CTCF: variants seen among roughly 807,000 people sequenced by gnomAD.
CTCF encodes transcriptional repressor CTCF.
Under a neutral mutation model 72.3 loss-of-function variants are expected in CTCF, and 7 were observed. The ratio of observed to expected loss-of-function variants is 0.10; its 90% CI spans 0.06 to 0.18. The LOEUF (loss-of-function observed/expected upper bound fraction) is 0.18, where lower values mean the gene tolerates loss of function less well. Among genes scored for constraint, CTCF ranks in the 10% least tolerant of loss-of-function variants. CTCF has a pLI of 1.00. For missense variants in CTCF, 516 were observed against 949.1 expected (o/e 0.54, Z 6.00); for synonymous variants, 374 against 315.8 (o/e 1.18, Z -1.95).
chr16:67,617,026 A>C, intron 5 of CTCF, 148 bp downstream of exon 5: 2 of 802,114 alleles, frequency 2.5e-6, no homozygotes, highest in Non-Finnish European at 4.0e-6. Context: ...CCGCTCCCCC[A>C]AAAAACTTAT....
intron 2 of CTCF, among the ~76,000 whole-genome samples, chr16:67,595,687 G>T (rs558852022): frequency 6.6e-6 from 1 of 152,210 alleles, no homozygotes; most frequent in East Asian, 1.9e-4. Context: ...CAGCGAGAAG[G>T]TAGCATATCT....
intron 1 of CTCF, among the ~76,000 whole-genome samples, chr16:67,567,434 C>T (rs1173989709): frequency 2.0e-5 from 3 of 152,104 alleles, no homozygotes; most frequent in African/African-American, 7.2e-5. Context: ...ATATGCTAAT[C>T]ACCTATTTGT....
intron 8 of CTCF, 81 bp downstream of exon 8, chr16:67,626,796 G>A: frequency 9.6e-7 from 1 of 1,043,020 alleles, no homozygotes; most frequent in Non-Finnish European, 1.3e-6. Flanking sequence ...TAGTACAGTG[G>A]CTGTTTTTAA....
intron 2 of CTCF, among the ~76,000 whole-genome samples, chr16:67,586,617 C>T (rs1261512690): frequency 6.6e-6 from 1 of 151,938 alleles, no homozygotes; most frequent in African/African-American, 2.4e-5. Context: ...TTGCTTGAAC[C>T]CCCTGGGAGG....
chr16:67,578,824 T>C (rs1028954318), intron 2 of CTCF, among the ~76,000 whole-genome samples: 5 of 151,318 alleles, frequency 3.3e-5, no homozygotes, highest in Admixed American at 6.6e-5. Flanking sequence ...GGCAGGCGCC[T>C]GTAATCTCAG....
At chr16:67,621,147 T>G (rs905258897) in intron 6 of CTCF, 2 of 365,444 alleles carry the variant, frequency 5.5e-6, no homozygotes, top group Non-Finnish European at 9.9e-6. Context: ...GGATATTGTC[T>G]TTTCCTAAAA....
intron 2 of CTCF, among the ~76,000 whole-genome samples, chr16:67,582,227 ATC>A (rs1208346372): frequency 6.6e-6 from 1 of 150,394 alleles, no homozygotes; most frequent in African/African-American, 2.5e-5. Flanking sequence ...AAAAAAAAAA[ATC>A]TTCTGTTACT....
chr16:67,618,482 A>C (rs900642231), intron 5 of CTCF, among the ~76,000 whole-genome samples: 2 of 152,250 alleles, frequency 1.3e-5, no homozygotes, highest in African/African-American at 4.8e-5. Context: ...AAGTATTTCC[A>C]TTAAAATCTG....
At chr16:67,576,792 A>AGTGCTGGGATTACAGGCGTG (rs1209389113) in intron 2 of CTCF, among the ~76,000 whole-genome samples, 2 of 152,124 alleles carry the variant, frequency 1.3e-5, no homozygotes, top group African/African-American at 2.4e-5. Context: ...TGCCTCCGAA[A>AGTGCTGGGATTACAGGCGTG]GTGCTGGGAT....
chr16:67,606,653 A>G (rs1283490680), intron 2 of CTCF, among the ~76,000 whole-genome samples: 1 of 152,180 alleles, frequency 6.6e-6, no homozygotes, highest in African/African-American at 2.4e-5. Context: ...TAAGGTGCCT[A>G]GACAGAGAAT....
intron 2 of CTCF, among the ~76,000 whole-genome samples, chr16:67,604,128 CAAAAAAAAAA>C (rs762004795): frequency 1.7e-5 from 1 of 57,530 alleles, no homozygotes; most frequent in Non-Finnish European, 3.7e-5. Context: ...AACCCCGTCT[CAAAAAAAAAA>C]AAAAAAAGAA....
chr16:67,592,699 C>T (rs753429516), intron 2 of CTCF, among the ~76,000 whole-genome samples: 3 of 151,830 alleles, frequency 2.0e-5, no homozygotes, highest in Non-Finnish European at 4.4e-5. Flanking sequence ...AGTGAGACTC[C>T]GTCTCAAAAA....
intron 4 of CTCF, chr16:67,615,443 C>T (rs150049529): frequency 6.6e-6 from 1 of 152,234 alleles, no homozygotes; most frequent in Non-Finnish European, 1.5e-5. Context: ...TGGCAAGACT[C>T]CATCTCTACA....
At chr16:67,569,702 A>G (rs1486300005) in intron 1 of CTCF, among the ~76,000 whole-genome samples, 2 of 148,052 alleles carry the variant, frequency 1.4e-5, no homozygotes, top group East Asian at 2.0e-4. Context: ...TTTTTTTTTA[A>G]TGAGACGGAG....
chr16:67,581,010 G>C (rs1192695168), intron 2 of CTCF, among the ~76,000 whole-genome samples: 1 of 151,740 alleles, frequency 6.6e-6, no homozygotes, highest in African/African-American at 2.4e-5. Context: ...CTCACTGCAA[G>C]CTCCACCTCC....
At chr16:67,571,716 A>G (rs2051422861) in intron 2 of CTCF, among the ~76,000 whole-genome samples, 1 of 152,204 alleles carries the variant, frequency 6.6e-6, no homozygotes, top group Non-Finnish European at 1.5e-5. Context: ...TAAGAAACAG[A>G]TGGAATCCTG....
chr16:67,610,728 A>C (rs1415046808), intron 2 of CTCF, 96 bp from the exon 3 acceptor site: 1 of 858,870 alleles, frequency 1.2e-6, no homozygotes, highest in African/African-American at 1.7e-5. Flanking sequence ...ATTGATGCCT[A>C]ATTCATTCAC....
chr16:67,603,987 C>G (rs2051934541), intron 2 of CTCF, among the ~76,000 whole-genome samples: 1 of 149,728 alleles, frequency 6.7e-6, no homozygotes, highest in Non-Finnish European at 1.5e-5. Context: ...AAAAATTAGC[C>G]TGGTGCCTGG....
At chr16:67,626,053 A>G (rs146999292) in intron 7 of CTCF, among the ~76,000 whole-genome samples, 4 of 151,702 alleles carry the variant, frequency 2.6e-5, no homozygotes, top group Middle Eastern at 3.4e-3. Flanking sequence ...TCTCCCACCT[A>G]TCCTGTTTGA....
Sources: allele counts gnomAD v4.1 joint callset (sites outside exome capture counted in the v4.1 genomes callset), GRCh38; gene constraint gnomAD v4.1.1; transcripts MANE v1.5; gene names NCBI Gene and HGNC (gene_info 2026-07-23, HGNC 2026-07-21).